Variants in TRIM71 observed in about 807,000 individuals in gnomAD.
TRIM71 encodes the protein tripartite motif containing 71.
Under a neutral mutation model 61.2 loss-of-function variants are expected in TRIM71, and 9 were observed. The ratio of observed to expected loss-of-function variants is 0.15; its 90% CI spans 0.09 to 0.26. The LOEUF is 0.26. Ranked by LOEUF, TRIM71 falls within the 10% of genes least tolerant of loss-of-function variation. The pLI is 1.00. For synonymous variants in TRIM71, 645 were observed against 553.2 expected, an observed-to-expected ratio of 1.17 and a Z score of -2.33; for missense variants, 998 against 1,238.7, an observed-to-expected ratio of 0.81 and a Z score of 2.92.
At position 32,873,985 on chromosome 3, in the gene TRIM71, G is replaced by A; in HGVS notation, c.1020G>A (p.Gln340=). ...CCCAGCAGGGACGACAGGCAATCCA[G>A]GTGAGCCTTCCCTGCCCTTCTGCAG... ...ADAQQGRQAI[Q]LSIEQAQTVA... Residue 340 remains glutamine, a splice_region_variant and synonymous_variant, in exon 2 of 4, where the codon CAG becomes CAA. Coordinates refer to ENST00000383763, the MANE Select transcript of TRIM71 (RefSeq NM_001039111.3). The A allele has an allele frequency of 6.2e-7, 1 of 1,605,762 alleles. No individual in the cohort carries two copies. Among genetic ancestry groups the A allele is most frequent in the Non-Finnish European group, 8.5e-7 (1 of 1,176,572 alleles).
At chr3:32,870,417 G>T (rs1238702414) in intron 1 of TRIM71, among the ~76,000 whole-genome samples, 1 of 152,006 alleles carries the variant, frequency 6.6e-6, no homozygotes. Flanking sequence ...TGAAAGCACT[G>T]GCTCTTCTGA....
At chr3:32,828,909 G>A (rs1411348405) in intron 1 of TRIM71, among the ~76,000 whole-genome samples, 1 of 151,960 alleles carries the variant, frequency 6.6e-6, no homozygotes, top group South Asian at 2.1e-4. Context: ...TGAACTCTTG[G>A]CCTCAAGTGA....
chr3:32,869,431 AG>A (rs1696773363), intron 1 of TRIM71, among the ~76,000 whole-genome samples: 1 of 152,194 alleles, frequency 6.6e-6, no homozygotes, highest in Non-Finnish European at 1.5e-5. Flanking sequence ...TGATAGGGGT[AG>A]TTGTGTTTTA....
intron 1 of TRIM71, among the ~76,000 whole-genome samples, chr3:32,827,830 TG>T (rs1696222028): frequency 6.6e-6 from 1 of 152,220 alleles, no homozygotes; most frequent in African/African-American, 2.4e-5. Flanking sequence ...TGTTGGCTGC[TG>T]CATCCTGTAG....
intron 1 of TRIM71, among the ~76,000 whole-genome samples, chr3:32,822,509 C>A (rs1375901333): frequency 6.6e-6 from 1 of 152,110 alleles, no homozygotes; most frequent in African/African-American, 2.4e-5. Context: ...CTAAAATAAT[C>A]GGTTGCTGTG....
chr3:32,847,606 A>G (rs77601943), intron 1 of TRIM71, among the ~76,000 whole-genome samples: 3,020 of 152,360 alleles, frequency 0.02, 61 homozygotes, highest in East Asian at 0.092. Flanking sequence ...GGAAGCATCC[A>G]GGCCAGTGCC....
intron 1 of TRIM71, among the ~76,000 whole-genome samples, chr3:32,848,604 CAA>C (rs1341504549): frequency 6.6e-6 from 1 of 152,150 alleles, no homozygotes; most frequent in East Asian, 1.9e-4. Flanking sequence ...AAACGAGGCT[CAA>C]AAATACCCCT....
At chr3:32,843,787 T>C (rs1251110496) in intron 1 of TRIM71, among the ~76,000 whole-genome samples, 1 of 152,122 alleles carries the variant, frequency 6.6e-6, no homozygotes, top group Non-Finnish European at 1.5e-5. Context: ...CTCCCTGAGC[T>C]CCTTTCCTGT....
rs763326137 is a variant in TRIM71, at chr3:32,892,447, C to T, written c.*636C>T. On this transcript the variant is annotated 3_prime_UTR_variant, in exon 4 of 4. Coordinates refer to ENST00000383763, the MANE Select transcript of TRIM71 (RefSeq NM_001039111.3). ...AATTTCCTCTGTTCTCTGTTTATACCTCAGTGTGTTTAACATCCTCTTCTG... is the reference window on the plus strand; with the variant it reads ...AATTTCCTCTGTTCTCTGTTTATACTTCAGTGTGTTTAACATCCTCTTCTG... 1 of 152,102 alleles carries T rather than the reference C, an allele frequency of 6.6e-6. No individual in the cohort carries two copies. The highest frequency in any genetic ancestry group is 2.4e-5 in the African/African-American group (1 of 41,378). 9.4% of individuals were successfully genotyped at this position (152,102 alleles called of 1,614,324 possible). A position where few individuals can be genotyped will look rare whatever the true frequency, so the allele number is the denominator to read the frequency against.
intron 1 of TRIM71, among the ~76,000 whole-genome samples, chr3:32,849,262 C>A (rs898904184): frequency 6.6e-6 from 1 of 152,146 alleles, no homozygotes; most frequent in African/African-American, 2.4e-5. Flanking sequence ...CATTTACCTG[C>A]CTTAGATTAG....
intron 1 of TRIM71, among the ~76,000 whole-genome samples, chr3:32,870,391 A>G (rs1696782141): frequency 6.6e-6 from 1 of 152,134 alleles, no homozygotes; most frequent in Non-Finnish European, 1.5e-5. Context: ...TCTCTGTTGC[A>G]GGCGGCCTGG....
chr3:32,878,903 C>T (rs1442391539), intron 2 of TRIM71, among the ~76,000 whole-genome samples: 2 of 152,178 alleles, frequency 1.3e-5, no homozygotes, highest in Non-Finnish European at 1.5e-5. Context: ...CATCTTCTTC[C>T]AATATAAGAC....
At chr3:32,860,244 C>A (rs1341164112) in intron 1 of TRIM71, among the ~76,000 whole-genome samples, 1 of 151,716 alleles carries the variant, frequency 6.6e-6, no homozygotes, top group East Asian at 1.9e-4. Context: ...CTGCAACCTC[C>A]ACTTCCCGGG....
intron 2 of TRIM71, 142 bp from the exon 3 acceptor site, chr3:32,885,791 GT>G: frequency 8.6e-7 from 1 of 1,159,506 alleles, no homozygotes; most frequent in Non-Finnish European, 1.2e-6. Context: ...CTAAGTGCCT[GT>G]TTTCCTTCCA....
chr3:32,819,330 A>G (rs1696102480), intron 1 of TRIM71, among the ~76,000 whole-genome samples: 1 of 152,026 alleles, frequency 6.6e-6, no homozygotes, highest in Non-Finnish European at 1.5e-5. Flanking sequence ...GCGCTCCTTT[A>G]TTTTCAGATT....
At chr3:32,886,219 C>A in intron 3 of TRIM71, 151 bp downstream of exon 3, 1 of 1,102,124 alleles carries the variant, frequency 9.1e-7, no homozygotes, top group Non-Finnish European at 1.2e-6. Context: ...CAGAAAGATG[C>A]AGGGGGTCCC....
In TRIM71 at chr3:32,818,542, C is replaced by T. The variant is rs1307190954; in HGVS notation, c.462C>T (p.His154=). Residue 154 remains histidine (H), a synonymous_variant, in exon 1 of 4, where the codon CAC becomes CAT. Transcript: ENST00000383763. ...ACAGCAACCACCGGCACCACGCTCA[C>T]CACGCGCACCCGCGCGCGTCCGCCT... The part of the protein sequence containing the change: ...GGHSNHRHHA[H]HAHPRASASA... 8 of 1,287,140 alleles carry T rather than the reference C, an allele frequency of 6.2e-6. No individual in the cohort carries two copies. The highest frequency in any genetic ancestry group is 2.5e-5 in the South Asian group (1 of 40,712). The allele number at this position is 1,287,140 out of a possible 1,614,324, so 79.7% of individuals were successfully genotyped here.
At chr3:32,848,504 A>G (rs1429892907) in intron 1 of TRIM71, among the ~76,000 whole-genome samples, 2 of 152,176 alleles carry the variant, frequency 1.3e-5, no homozygotes, top group Non-Finnish European at 2.9e-5. Context: ...GTTCCCTCCG[A>G]AGAAATAAGG....
intron 1 of TRIM71, among the ~76,000 whole-genome samples, chr3:32,820,816 G>C (rs976719993): frequency 5.9e-5 from 9 of 152,188 alleles, no homozygotes; most frequent in African/African-American, 2.2e-4. Context: ...GGAGGTACTC[G>C]GAAGCTCTTC....
Sources: allele counts gnomAD v4.1 joint callset (sites outside exome capture counted in the v4.1 genomes callset), GRCh38; gene constraint gnomAD v4.1.1; transcripts MANE v1.5; gene names NCBI Gene and HGNC (gene_info 2026-07-23, HGNC 2026-07-21).